Variants in SDK1 observed in about 807,000 individuals in gnomAD.
SDK1 encodes protein sidekick-1.
In SDK1, 157 loss-of-function variants were observed where a neutral mutation model predicts 245.5. That is an observed-to-expected ratio of 0.64 (90% confidence interval 0.56 to 0.73). The LOEUF (loss-of-function observed/expected upper bound fraction) is 0.73, where lower values mean the gene tolerates loss of function less well. Among genes scored for constraint, SDK1 ranks in the 30% least tolerant of loss-of-function variants. The pLI is 0.00. For synonymous variants in SDK1, 1,647 were observed against 1,278.5 expected, an observed-to-expected ratio of 1.29 and a Z score of -6.15; for missense variants, 3,583 against 3,002.3, an observed-to-expected ratio of 1.19 and a Z score of -4.52.
At chr7:3,914,694 G>A (rs1027535221) in intron 5 of SDK1, among the ~76,000 whole-genome samples, 1 of 152,156 alleles carries the variant, frequency 6.6e-6, no homozygotes, top group Non-Finnish European at 1.5e-5. Flanking sequence ...TGACAGCCAC[G>A]GTGACATGGG....
chr7:4,242,251 G>C (rs1786573178), intron 43 of SDK1, among the ~76,000 whole-genome samples: 1 of 152,164 alleles, frequency 6.6e-6, no homozygotes, highest in Non-Finnish European at 1.5e-5. Context: ...AGTTCATGGA[G>C]GTGTCACCTG....
chr7:3,821,338 C>G lies in SDK1; in HGVS notation c.714-112C>G, dbSNP rs1170122923. 3 of 1,237,238 alleles carry G rather than the reference C, an allele frequency of 2.4e-6. No individual in the cohort carries two copies. The African/African-American group carries it at 4.6e-5, about 19-fold the overall frequency. The allele number at this position is 1,237,238 out of a possible 1,614,324, so 76.6% of individuals were successfully genotyped here. ...CTGTGTATTGTTTTTGTCCTTCCAG[C>G]TCTTCTTTTAAACTCTAGGCATTCC... is the stretch of plus-strand genomic sequence containing the variant. On this transcript the variant is annotated intron_variant, in intron 4 of 44. Transcript: ENST00000404826.
intron 4 of SDK1, among the ~76,000 whole-genome samples, chr7:3,766,771 T>A (rs1284983455): frequency 2.0e-5 from 3 of 152,140 alleles, no homozygotes; most frequent in African/African-American, 4.8e-5. Context: ...TCCTTTGAAT[T>A]TTTTGGAATT....
chr7:3,572,057 G>T (rs541314101), intron 1 of SDK1, among the ~76,000 whole-genome samples: 51 of 152,178 alleles, frequency 3.4e-4, no homozygotes, highest in Non-Finnish European at 6.6e-4. Flanking sequence ...CAAACAGTCA[G>T]TGAAAGGACA....
intron 4 of SDK1, among the ~76,000 whole-genome samples, chr7:3,752,911 T>C (rs1462430000): frequency 6.6e-6 from 1 of 152,248 alleles, no homozygotes; most frequent in Non-Finnish European, 1.5e-5. Context: ...ATAATAAGTA[T>C]GTCAAATTTA....
chr7:3,771,585 A>T (rs934495339), intron 4 of SDK1, among the ~76,000 whole-genome samples: 1 of 152,224 alleles, frequency 6.6e-6, no homozygotes, highest in Non-Finnish European at 1.5e-5. Context: ...TTTGATTCAT[A>T]GGATGGATTT....
At chr7:4,085,877 G>C (rs1396595964) in intron 22 of SDK1, among the ~76,000 whole-genome samples, 2 of 152,112 alleles carry the variant, frequency 1.3e-5, no homozygotes, top group East Asian at 3.8e-4. Context: ...TAAAAAATTG[G>C]TGGAGGATTT....
intron 20 of SDK1, among the ~76,000 whole-genome samples, chr7:4,073,985 G>C (rs996514585): frequency 6.6e-5 from 10 of 152,128 alleles, no homozygotes; most frequent in Admixed American, 4.6e-4. Flanking sequence ...GGAGGTCACA[G>C]TCTTCCCGGA....
intron 5 of SDK1, among the ~76,000 whole-genome samples, chr7:3,889,491 G>A (rs1339162930): frequency 6.6e-6 from 1 of 152,144 alleles, no homozygotes; most frequent in African/African-American, 2.4e-5. Flanking sequence ...AGTGGTACCA[G>A]TGGCATTCTG....
chr7:3,934,988 A>G (rs1369454752), intron 5 of SDK1, among the ~76,000 whole-genome samples: 1 of 152,220 alleles, frequency 6.6e-6, no homozygotes, highest in South Asian at 2.1e-4. Flanking sequence ...GGAAGCCTGG[A>G]TATTTATGCA....
chr7:3,402,192 A>G (rs1433408068), intron 1 of SDK1, among the ~76,000 whole-genome samples: 1 of 152,216 alleles, frequency 6.6e-6, no homozygotes, highest in Non-Finnish European at 1.5e-5. Context: ...TCCTGCACTC[A>G]GTAGGATATG....
chr7:3,590,219 G>C (rs2128635361), intron 1 of SDK1, among the ~76,000 whole-genome samples: 1 of 151,652 alleles, frequency 6.6e-6, no homozygotes, highest in South Asian at 2.1e-4. Context: ...TTCTGTTACG[G>C]ATACTGGAGC....
intron 4 of SDK1, among the ~76,000 whole-genome samples, chr7:3,672,846 G>A (rs1356385662): frequency 7.8e-6 from 1 of 127,756 alleles, no homozygotes; most frequent in Non-Finnish European, 1.6e-5. Flanking sequence ...TGCCAAAATA[G>A]GCACCTACAA....
At chr7:4,124,892 G>A (rs62438183) in intron 25 of SDK1, among the ~76,000 whole-genome samples, 13 of 150,456 alleles carry the variant, frequency 8.6e-5, no homozygotes, top group Non-Finnish European at 1.6e-4. Flanking sequence ...GAATGGATGG[G>A]TGGATGGATG....
chr7:4,114,038 C>G lies in SDK1; in HGVS notation c.3587C>G (p.Pro1196Arg). The G allele has an allele frequency of 6.2e-7, 1 of 1,613,662 alleles. No homozygotes were observed. Among genetic ancestry groups the G allele is most frequent in the Non-Finnish European group, 8.5e-7 (1 of 1,179,620 alleles). Residue 1196 changes from proline (P) to arginine (R), a missense_variant and splice_region_variant, in exon 25 of 45, where the codon CCC (proline) becomes CGC (arginine). Physicochemically the swap from Pro to Arg is moderately radical, Grantham distance 103. Coordinates refer to ENST00000404826, the MANE Select transcript of SDK1 (RefSeq NM_152744.4). ...TCGCGACTCCTCGTTCCTTCCTAGCCCCTGCCGGATTCTCAGTACAACGGG... is the reference window on the plus strand; with the variant it reads ...TCGCGACTCCTCGTTCCTTCCTAGCGCCTGCCGGATTCTCAGTACAACGGG... ...SETSLRLRWV[P>R]LPDSQYNGNP...
intron 4 of SDK1, among the ~76,000 whole-genome samples, chr7:3,729,858 A>G (rs964425437): frequency 6.6e-6 from 1 of 152,016 alleles, no homozygotes. Flanking sequence ...CTTTTGGCTA[A>G]GATCAAGTGA....
chr7:3,606,502 C>G (rs1781430376), intron 1 of SDK1, among the ~76,000 whole-genome samples: 1 of 152,144 alleles, frequency 6.6e-6, no homozygotes, highest in African/African-American at 2.4e-5. Context: ...CTTCCTCTTA[C>G]TTTTTACCCT....
chr7:3,461,751 C>G (rs562583375), intron 1 of SDK1, among the ~76,000 whole-genome samples: 8 of 152,144 alleles, frequency 5.3e-5, no homozygotes, highest in African/African-American at 1.9e-4. Context: ...ACCTCAATAT[C>G]CAACTTACAG....
chr7:3,669,241 G>A (rs546839951), intron 4 of SDK1, among the ~76,000 whole-genome samples: 1 of 152,338 alleles, frequency 6.6e-6, no homozygotes, highest in East Asian at 1.9e-4. Context: ...GGAAAGCAGT[G>A]TAGGAGCAGA....
Sources: allele counts gnomAD v4.1 joint callset (sites outside exome capture counted in the v4.1 genomes callset), GRCh38; gene constraint gnomAD v4.1.1; transcripts MANE v1.5; gene names NCBI Gene and HGNC (gene_info 2026-07-23, HGNC 2026-07-21).